CACNA2D3: variants seen among roughly 807,000 people sequenced by gnomAD.
CACNA2D3 encodes the protein calcium voltage-gated channel auxiliary subunit alpha2delta 3.
Under a neutral mutation model 160.6 loss-of-function variants are expected in CACNA2D3, and 60 were observed. The observed-to-expected ratio is 0.37, with a 90% confidence interval of 0.30 to 0.46. The LOEUF (loss-of-function observed/expected upper bound fraction) is 0.46, where lower values mean the gene tolerates loss of function less well. CACNA2D3 is among the 20% of genes least tolerant of loss of function. The pLI is 1.00. For synonymous variants in CACNA2D3, 558 were observed against 492.9 expected (o/e 1.13, Z -1.75); for missense variants, 1,205 against 1,365.0 (o/e 0.88, Z 1.85).
intron 4 of CACNA2D3, among the ~76,000 whole-genome samples, chr3:54,451,217 TG>T (rs1700300623): frequency 1.4e-5 from 2 of 144,610 alleles, no homozygotes; most frequent in South Asian, 4.4e-4. Flanking sequence ...CCCTTTCTGC[TG>T]ATATAATAAT....
chr3:54,363,787 CAG>C (rs1698784282), intron 3 of CACNA2D3, among the ~76,000 whole-genome samples: 1 of 152,178 alleles, frequency 6.6e-6, no homozygotes, highest in Admixed American at 6.5e-5. Context: ...GGTGAAGTAA[CAG>C]AGGTGCATGA....
chr3:54,767,229 ATAT>A (rs1702242035), intron 13 of CACNA2D3, among the ~76,000 whole-genome samples: 1 of 152,204 alleles, frequency 6.6e-6, no homozygotes. Context: ...GAATCCAATA[ATAT>A]TTCAAGTGAA....
chr3:54,433,563 C>A (rs1700019197), intron 4 of CACNA2D3, among the ~76,000 whole-genome samples: 1 of 152,162 alleles, frequency 6.6e-6, no homozygotes, highest in Admixed American at 6.5e-5. Context: ...CTCCATTACC[C>A]CTTGCTTCTC....
intron 29 of CACNA2D3, 118 bp downstream of exon 29, chr3:54,969,962 A>G (rs1375260946): frequency 1.5e-6 from 1 of 647,330 alleles, no homozygotes; most frequent in Non-Finnish European, 2.4e-6. Flanking sequence ...TACTGGGCCA[A>G]TCTAAAAAAA....
intron 3 of CACNA2D3, among the ~76,000 whole-genome samples, chr3:54,371,066 A>G (rs942528525): frequency 2.0e-5 from 3 of 152,196 alleles, no homozygotes; most frequent in Non-Finnish European, 2.9e-5. Context: ...TTATTGCTGA[A>G]TGATATTCCA....
At chr3:54,225,305 A>T (rs1411500022) in intron 2 of CACNA2D3, among the ~76,000 whole-genome samples, 1 of 152,190 alleles carries the variant, frequency 6.6e-6, no homozygotes. Flanking sequence ...ATGGCTGCAT[A>T]GTATTCCATG....
chr3:54,266,300 A>C (rs777474432), intron 2 of CACNA2D3, among the ~76,000 whole-genome samples: 24 of 152,216 alleles, frequency 1.6e-4, no homozygotes, highest in Non-Finnish European at 2.9e-4. Context: ...GTCCATAATA[A>C]ATTTACAAAT....
At chr3:54,210,496 G>T (rs1270106120) in intron 2 of CACNA2D3, among the ~76,000 whole-genome samples, 1 of 152,004 alleles carries the variant, frequency 6.6e-6, no homozygotes, top group South Asian at 2.1e-4. Flanking sequence ...GAAAAAATAT[G>T]TTTAAAAATC....
chr3:54,509,289 G>T (rs1014361760), intron 5 of CACNA2D3, among the ~76,000 whole-genome samples: 1 of 24,584 alleles, frequency 4.1e-5, no homozygotes, highest in African/African-American at 5.3e-5. Context: ...GTGTGTGTGT[G>T]TTTGTGTGTG....
chr3:54,563,056 C>T, intron 6 of CACNA2D3, 125 bp downstream of exon 6: 1 of 896,476 alleles, frequency 1.1e-6, no homozygotes, highest in Non-Finnish European at 1.6e-6. Context: ...AGATGAATTC[C>T]AAACCTATTG....
intron 11 of CACNA2D3, among the ~76,000 whole-genome samples, chr3:54,736,070 T>A (rs567365316): frequency 6.2e-5 from 2 of 32,046 alleles, no homozygotes; most frequent in Non-Finnish European, 1.6e-4. Context: ...TGTATATATA[T>A]ATACATATAT....
chr3:54,839,024 G>A (rs1379367062), intron 16 of CACNA2D3, among the ~76,000 whole-genome samples: 1 of 152,156 alleles, frequency 6.6e-6, no homozygotes, highest in Non-Finnish European at 1.5e-5. Flanking sequence ...TTGGGAGGCC[G>A]ATGCGGGTGG....
chr3:54,367,028 C>T (rs935768614), intron 3 of CACNA2D3, among the ~76,000 whole-genome samples: 2 of 152,144 alleles, frequency 1.3e-5, no homozygotes, highest in African/African-American at 4.8e-5. Context: ...CAGGCACCTG[C>T]CAGGTGGAAG....
intron 32 of CACNA2D3, among the ~76,000 whole-genome samples, chr3:55,007,389 A>G (rs555986877): frequency 1.1e-4 from 16 of 152,304 alleles, no homozygotes; most frequent in African/African-American, 3.8e-4. Context: ...GAGAACAGGG[A>G]ATCACCTTTC....
chr3:54,317,900 C>A (rs1357724364), intron 2 of CACNA2D3, among the ~76,000 whole-genome samples: 1 of 152,190 alleles, frequency 6.6e-6, no homozygotes, highest in East Asian at 1.9e-4. Flanking sequence ...GTGATAACAG[C>A]ATTAATCCAT....
At chr3:54,489,004 A>G (rs950467465) in intron 4 of CACNA2D3, among the ~76,000 whole-genome samples, 3 of 152,204 alleles carry the variant, frequency 2.0e-5, no homozygotes, top group African/African-American at 7.2e-5. Flanking sequence ...GGGGACCAGC[A>G]TGGACAGAGA....
intron 31 of CACNA2D3, among the ~76,000 whole-genome samples, chr3:54,992,998 A>C (rs1306215438): frequency 1.3e-5 from 2 of 152,026 alleles, no homozygotes; most frequent in African/African-American, 2.4e-5. Context: ...ACACCTTAAA[A>C]CAACGAGATC....
intron 10 of CACNA2D3, among the ~76,000 whole-genome samples, chr3:54,630,447 A>G (rs1699210929): frequency 6.6e-6 from 1 of 151,548 alleles, no homozygotes. Flanking sequence ...CTGCCAAGGT[A>G]CTCCCACATG....
At chr3:54,288,155 A>G (rs1431031085) in intron 2 of CACNA2D3, among the ~76,000 whole-genome samples, 2 of 152,256 alleles carry the variant, frequency 1.3e-5, no homozygotes, top group African/African-American at 2.4e-5. Context: ...GAAAGGATCA[A>G]CAAAATTGAT....
Sources: allele counts gnomAD v4.1 joint callset (sites outside exome capture counted in the v4.1 genomes callset), GRCh38; gene constraint gnomAD v4.1.1; transcripts MANE v1.5; gene names NCBI Gene and HGNC (gene_info 2026-07-23, HGNC 2026-07-21).